FANCL: variants seen among roughly 807,000 people sequenced by gnomAD.
FANCL encodes the protein E3 ubiquitin-protein ligase FANCL.
FANCL carries 69 observed loss-of-function variants against 59.4 expected under a neutral mutation model. That is an observed-to-expected ratio of 1.16 (90% CI 0.96 to 1.42). FANCL has a LOEUF of 1.42. Among genes scored for constraint, FANCL ranks in the 40% most tolerant of loss-of-function variants. FANCL has a pLI of 0.00. For missense variants in FANCL, 519 were observed against 447.2 expected (o/e 1.16, Z -1.45); for synonymous variants, 180 against 147.1 (o/e 1.22, Z -1.62).
chr2:58,236,472 AAAC>A (rs1694034270), intron 1 of FANCL, among the ~76,000 whole-genome samples: 1 of 151,920 alleles, frequency 6.6e-6, no homozygotes. Flanking sequence ...GTTAAAAAAA[AAAC>A]ACACACACAC....
chr2:58,168,759 G>A (rs1160887667), intron 7 of FANCL, among the ~76,000 whole-genome samples: 1 of 152,054 alleles, frequency 6.6e-6, no homozygotes, highest in Non-Finnish European at 1.5e-5. Context: ...CAAGCTTGGT[G>A]GGGGAAGGGA....
chr2:58,202,028 T>A (rs942047105), intron 6 of FANCL, among the ~76,000 whole-genome samples: 4 of 151,770 alleles, frequency 2.6e-5, no homozygotes, highest in Admixed American at 2.0e-4. Flanking sequence ...CATAATATAC[T>A]CTTAACATAC....
At chr2:58,229,903 A>C in intron 2 of FANCL, 29 bp from the exon 3 acceptor site, 1 of 1,520,272 alleles carries the variant, frequency 6.6e-7, no homozygotes. Context: ...AAAATGGTTT[A>C]TTCATTGTTC....
chr2:58,206,881 C>A (rs1355889001), intron 5 of FANCL, among the ~76,000 whole-genome samples: 2 of 152,144 alleles, frequency 1.3e-5, no homozygotes, highest in African/African-American at 2.4e-5. Context: ...TTGTTTGGGG[C>A]ACAGAAAGAA....
At position 58,204,200 on chromosome 2, in the gene FANCL, C is replaced by T. The variant is rs377429618; in HGVS notation, c.401G>A (p.Ser134Asn). The change falls in exon 6 of 14, where the codon AGT (serine) becomes AAT (asparagine). Residue 134 changes from serine to asparagine, a missense_variant. Ser to Asn is a conservative substitution (Grantham distance 46). Transcript: ENST00000233741. ...ATCTTCTGCTTTTAACTTGATGGTA[C>T]TGAAGCAGGTATCCGCATACACAAG... is the stretch of plus-strand genomic sequence containing the variant. ...DKLVYADTCF[S>N]TIKLKAEDAS... The T allele has an allele frequency of 6.2e-7, 1 of 1,613,048 alleles. No individual in the cohort carries two copies. Among genetic ancestry groups the T allele is most frequent in the Non-Finnish European group, 8.5e-7 (1 of 1,179,332 alleles).
intron 1 of FANCL, among the ~76,000 whole-genome samples, chr2:58,234,402 G>C (rs1395480095): frequency 6.6e-6 from 1 of 151,474 alleles, no homozygotes; most frequent in Non-Finnish European, 1.5e-5. Context: ...AGAGTCCAAG[G>C]AAGAACAAAA....
intron 11 of FANCL, 64 bp downstream of exon 11, chr2:58,162,800 TGA>T: frequency 3.7e-6 from 5 of 1,355,892 alleles, no homozygotes; most frequent in South Asian, 1.2e-5. Context: ...CATTTTTCAC[TGA>T]GAGAAGCATT....
chr2:58,229,750 A>G, intron 3 of FANCL, 64 bp downstream of exon 3: 1 of 1,237,712 alleles, frequency 8.1e-7, no homozygotes, highest in Admixed American at 1.7e-5. Flanking sequence ...AGGTCTTTAA[A>G]GAACAATAAA....
chr2:58,204,080 A>G, intron 6 of FANCL, 50 bp downstream of exon 6: 1 of 1,376,542 alleles, frequency 7.3e-7, no homozygotes, highest in East Asian at 2.3e-5. Flanking sequence ...CACAGAGTTC[A>G]TTTCACAAAG....
intron 8 of FANCL, among the ~76,000 whole-genome samples, chr2:58,164,874 C>T (rs1212222543): frequency 2.6e-5 from 4 of 151,996 alleles, no homozygotes; most frequent in African/African-American, 9.7e-5. Flanking sequence ...GTAAACTATA[C>T]TTTCTTCTCG....
In FANCL at chr2:58,163,033, AATGT is replaced by A. The variant is rs1558735946; in HGVS notation, c.813_816del (p.His272CysfsTer12). On this transcript the variant is annotated frameshift_variant, in exon 10 of 14. Transcript: ENST00000233741. LOFTEE classifies it high-confidence loss of function. ...TTATATTGCCAAGGTACCTACCACA[AATGT>A]ATGTTCCTGCTCAGCTTAATTCCCA... is the stretch of plus-strand genomic sequence containing the variant. The A allele has an allele frequency of 3.7e-6, 6 of 1,612,916 alleles. No individual in the cohort carries two copies. Among genetic ancestry groups the A allele is most frequent in the Non-Finnish European group, 5.1e-6 (6 of 1,179,124 alleles).
intron 7 of FANCL, among the ~76,000 whole-genome samples, chr2:58,194,693 T>G (rs1327211796): frequency 6.6e-6 from 1 of 152,038 alleles, no homozygotes; most frequent in East Asian, 1.9e-4. Context: ...GTGAGACACC[T>G]GCACTGGCTA....
At chr2:58,175,180 T>A (rs1687160036) in intron 7 of FANCL, among the ~76,000 whole-genome samples, 1 of 147,072 alleles carries the variant, frequency 6.8e-6, no homozygotes, top group South Asian at 2.2e-4. Flanking sequence ...ACCAGATGGA[T>A]TCACAGCCGA....
At chr2:58,241,129 C>A (rs1324362021) in intron 1 of FANCL, 89 bp downstream of exon 1, 3 of 1,385,808 alleles carry the variant, frequency 2.2e-6, no homozygotes, top group African/African-American at 1.4e-5. Context: ...CAAGTCTGGG[C>A]CCCTAACCTC....
At chr2:58,183,837 C>T (rs768298) in intron 7 of FANCL, among the ~76,000 whole-genome samples, 66,464 of 151,762 alleles carry the variant, frequency 0.44, 17,957 homozygotes, top group African/African-American at 0.77. Flanking sequence ...TACAGGACTA[C>T]GTTGGCTTCT....
intron 7 of FANCL, among the ~76,000 whole-genome samples, chr2:58,197,502 CCTAA>C (rs1689550101): frequency 6.6e-6 from 1 of 152,008 alleles, no homozygotes; most frequent in African/African-American, 2.4e-5. Flanking sequence ...AGAACTATGC[CCTAA>C]CTAATCACAT....
At chr2:58,239,958 T>C (rs1371658669) in intron 1 of FANCL, among the ~76,000 whole-genome samples, 1 of 152,180 alleles carries the variant, frequency 6.6e-6, no homozygotes, top group African/African-American at 2.4e-5. Flanking sequence ...CTAAGGCAGG[T>C]ACAAATTGGA....
At chr2:58,211,388 G>A (rs755923083) in intron 5 of FANCL, among the ~76,000 whole-genome samples, 1 of 152,110 alleles carries the variant, frequency 6.6e-6, no homozygotes, top group Non-Finnish European at 1.5e-5. Flanking sequence ...TGCACACAGT[G>A]CTGGGACCCT....
At chr2:58,233,859 G>T (rs1693788998) in intron 1 of FANCL, among the ~76,000 whole-genome samples, 1 of 151,982 alleles carries the variant, frequency 6.6e-6, no homozygotes, top group South Asian at 2.1e-4. Context: ...AGAGGCAGAA[G>T]ATAGGAGAAA....
Sources: gnomAD v4.1 joint callset for allele counts (sites outside exome capture counted in the v4.1 genomes callset) on GRCh38, gnomAD v4.1.1 for gene constraint, MANE v1.5 for transcripts, NCBI Gene and HGNC (gene_info 2026-07-23, HGNC 2026-07-21) for gene names.